TAAR5: variants seen among roughly 807,000 people sequenced by gnomAD.
TAAR5 encodes the protein trace amine associated receptor 5.
In TAAR5, 27 loss-of-function variants were observed where a neutral mutation model predicts 21.1. The ratio of observed to expected loss-of-function variants is 1.28; its 90% confidence interval spans 0.94 to 1.76. TAAR5 has a LOEUF of 1.76. Ranked by LOEUF, TAAR5 falls within the 40% of genes most tolerant of loss-of-function variation. The pLI is 0.00. For synonymous variants in TAAR5, 203 were observed against 167.5 expected, an observed-to-expected ratio of 1.21 and a Z score of -1.64; for missense variants, 495 against 405.6, an observed-to-expected ratio of 1.22 and a Z score of -1.89.
the TAAR5 span, among the ~76,000 whole-genome samples, chr6:132,611,788 G>A: frequency 6.6e-6 from 1 of 152,136 alleles, no homozygotes; most frequent in East Asian, 1.9e-4. Flanking sequence ...CAGGGGAAAA[G>A]AATGTCACAC....
the TAAR5 span, among the ~76,000 whole-genome samples, chr6:132,599,287 A>T: frequency 6.7e-6 from 1 of 150,232 alleles, no homozygotes; most frequent in African/African-American, 2.4e-5. Context: ...TTACTTAAAT[A>T]CACAACACTT....
the TAAR5 span, among the ~76,000 whole-genome samples, chr6:132,613,175 C>T: frequency 6.6e-6 from 1 of 152,324 alleles, no homozygotes; most frequent in East Asian, 1.9e-4. Flanking sequence ...TAACATTCCA[C>T]AGTGGGGCAT....
upstream of TAAR5, among the ~76,000 whole-genome samples, chr6:132,591,579 G>A (rs1776908222): frequency 6.6e-6 from 1 of 152,118 alleles, no homozygotes. Context: ...TCAGACACAA[G>A]GAAGGATATT....
At chr6:132,612,641 G>A in the TAAR5 span, among the ~76,000 whole-genome samples, 1 of 152,192 alleles carries the variant, frequency 6.6e-6, no homozygotes, top group Non-Finnish European at 1.5e-5. Flanking sequence ...AGGTGCTGCT[G>A]CTAGTGGCAT....
the TAAR5 span, among the ~76,000 whole-genome samples, chr6:132,611,114 C>A: frequency 6.6e-6 from 1 of 151,460 alleles, no homozygotes; most frequent in Admixed American, 6.6e-5. Context: ...TTGTCATCTG[C>A]AACAGCATGA....
At chr6:132,614,949 C>A in the TAAR5 span, among the ~76,000 whole-genome samples, 3 of 152,058 alleles carry the variant, frequency 2.0e-5, no homozygotes, top group Admixed American at 6.6e-5. Flanking sequence ...CTGCAACCTC[C>A]GCGTCCTGGG....
At chr6:132,593,318 C>A (rs1412145016), upstream of TAAR5, among the ~76,000 whole-genome samples, 1 of 152,158 alleles carries the variant, frequency 6.6e-6, no homozygotes. Context: ...CCTATGAAGT[C>A]AAAATTCCCT....
At chr6:132,598,851 G>A in the TAAR5 span, among the ~76,000 whole-genome samples, 70,874 of 151,884 alleles carry the variant, frequency 0.47, 16,955 homozygotes, top group African/African-American at 0.56. Flanking sequence ...AGGGAAGGAA[G>A]GGAGGAAGAG....
At chr6:132,596,141 T>C in the TAAR5 span, among the ~76,000 whole-genome samples, 1 of 152,120 alleles carries the variant, frequency 6.6e-6, no homozygotes, top group African/African-American at 2.4e-5. Flanking sequence ...CTGTGGCTTA[T>C]CTCCTTTCAT....
chr6:132,613,110 C>T, the TAAR5 span, among the ~76,000 whole-genome samples: 41 of 152,252 alleles, frequency 2.7e-4, no homozygotes, highest in African/African-American at 8.2e-4. Context: ...AGTCCATAAA[C>T]GAAATATTTA....
upstream of TAAR5, among the ~76,000 whole-genome samples, chr6:132,590,563 G>C (rs537228623): frequency 3.1e-4 from 47 of 152,320 alleles, no homozygotes; most frequent in East Asian, 1.9e-4. Context: ...GGGAATGTCA[G>C]AGTACTCTTC....
the TAAR5 span, among the ~76,000 whole-genome samples, chr6:132,597,926 G>A: frequency 2.6e-5 from 4 of 152,166 alleles, no homozygotes; most frequent in African/African-American, 9.7e-5. Flanking sequence ...TCAAGGAAAA[G>A]GGGATTTATG....
At chr6:132,591,257 T>C (rs1245825784), upstream of TAAR5, among the ~76,000 whole-genome samples, 2 of 152,214 alleles carry the variant, frequency 1.3e-5, no homozygotes, top group African/African-American at 4.8e-5. Flanking sequence ...TGCCTCTTGA[T>C]ATCTTAGAAG....
At chr6:132,609,741 T>C in the TAAR5 span, among the ~76,000 whole-genome samples, 1 of 152,124 alleles carries the variant, frequency 6.6e-6, no homozygotes, top group Non-Finnish European at 1.5e-5. Context: ...AATACCAAAG[T>C]TTTTCTTTAG....
chr6:132,593,325 C>T (rs1173963322), upstream of TAAR5, among the ~76,000 whole-genome samples: 2 of 152,134 alleles, frequency 1.3e-5, no homozygotes, highest in East Asian at 1.9e-4. Flanking sequence ...AGTCAAAATT[C>T]CCTTGAGGCC....
the TAAR5 span, among the ~76,000 whole-genome samples, chr6:132,597,563 A>C: frequency 6.6e-6 from 1 of 152,204 alleles, no homozygotes; most frequent in African/African-American, 2.4e-5. Context: ...AGATAGATAC[A>C]GCATTTTTTT....
At chr6:132,600,161 C>T in the TAAR5 span, among the ~76,000 whole-genome samples, 11 of 152,268 alleles carry the variant, frequency 7.2e-5, no homozygotes, top group African/African-American at 2.4e-4. Context: ...TACCCAGCTA[C>T]AGCTGGTTCC....
At chr6:132,596,679 C>A in the TAAR5 span, among the ~76,000 whole-genome samples, 2,161 of 151,878 alleles carry the variant, frequency 0.014, 42 homozygotes, top group African/African-American at 0.047. Flanking sequence ...AAATACCAAT[C>A]AAATATTAAA....
At chr6:132,599,068 A>G in the TAAR5 span, among the ~76,000 whole-genome samples, 1 of 152,166 alleles carries the variant, frequency 6.6e-6, no homozygotes, top group Non-Finnish European at 1.5e-5. Flanking sequence ...TAAGTTCATA[A>G]TTTTTCAAAT....
Sources: gnomAD v4.1 joint callset for allele counts (sites outside exome capture counted in the v4.1 genomes callset) on GRCh38, gnomAD v4.1.1 for gene constraint, MANE v1.5 for transcripts, NCBI Gene and HGNC (gene_info 2026-07-23, HGNC 2026-07-21) for gene names.